Variants in SUGCT observed in about 807,000 individuals in gnomAD.
SUGCT encodes succinyl-CoA:glutarate-CoA transferase.
A neutral mutation model predicts 55.0 loss-of-function variants in SUGCT; 41 were observed. That is an observed-to-expected ratio of 0.74 (90% CI 0.58 to 0.97). The LOEUF is 0.97. Ranked by LOEUF, SUGCT falls within the 50% of genes least tolerant of loss-of-function variation. SUGCT has a pLI of 0.00. For synonymous variants in SUGCT, 187 were observed against 200.4 expected, an observed-to-expected ratio of 0.93 and a Z score of 0.56; for missense variants, 568 against 547.8, an observed-to-expected ratio of 1.04 and a Z score of -0.37.
chr7:40,367,866 GC>G (rs1333580798), intron 9 of SUGCT, among the ~76,000 whole-genome samples: 1 of 152,062 alleles, frequency 6.6e-6, no homozygotes, highest in Non-Finnish European at 1.5e-5. Context: ...CCTTAACCTG[GC>G]CTTCCTGGCC....
At chr7:40,907,096 A>AGT in the SUGCT span, among the ~76,000 whole-genome samples, 1,322 of 101,590 alleles carry the variant, frequency 0.013, 11 homozygotes, top group South Asian at 0.035. Flanking sequence ...TTGTTCTGAT[A>AGT]GTGTGTGTGT....
chr7:40,613,992 G>A (rs528028587), intron 12 of SUGCT, among the ~76,000 whole-genome samples: 13 of 152,214 alleles, frequency 8.5e-5, no homozygotes, highest in East Asian at 7.7e-4. Context: ...GTCATGTTTC[G>A]AATGTCATAT....
rs534751603 is a variant in SUGCT at position 40,393,379 on chromosome 7, T to G, written c.817-55908T>G. Among the ~76,000 whole-genome samples the G allele has an allele frequency of 2.6e-5, 4 of 152,278 alleles. No homozygotes were observed. In the East Asian group the frequency reaches 7.7e-4, roughly 29 times the overall value. ...GAAAAATGTCCACTAAATTAGGGAA[T>G]GGAGACAACTGGTGACTTTTGCAAG... is the stretch of plus-strand genomic sequence containing the variant. On this transcript the variant is annotated intron_variant, in intron 9 of 13. Transcript: ENST00000335693.
intron 12 of SUGCT, among the ~76,000 whole-genome samples, chr7:40,555,948 G>A (rs899945573): frequency 6.6e-6 from 1 of 152,006 alleles, no homozygotes; most frequent in Middle Eastern, 3.4e-3. Context: ...TAACTTCTTA[G>A]CAATGTGTTT....
chr7:40,627,463 G>A (rs919605509), intron 12 of SUGCT, among the ~76,000 whole-genome samples: 5 of 152,082 alleles, frequency 3.3e-5, no homozygotes, highest in South Asian at 2.1e-4. Context: ...ACATTCCTAC[G>A]CAAACATCTG....
intron 7 of SUGCT, among the ~76,000 whole-genome samples, chr7:40,258,413 C>T (rs1049767277): frequency 3.9e-5 from 6 of 152,166 alleles, no homozygotes; most frequent in African/African-American, 1.2e-4. Flanking sequence ...GAGTCTTACT[C>T]TGTTGCCCAG....
intron 12 of SUGCT, among the ~76,000 whole-genome samples, chr7:40,517,326 T>G (rs1033109507): frequency 6.6e-6 from 1 of 151,980 alleles, no homozygotes; most frequent in African/African-American, 2.4e-5. Flanking sequence ...TGTCTTTTTC[T>G]TTTCTTTTCT....
chr7:40,246,561 T>G (rs1256208382), intron 7 of SUGCT, among the ~76,000 whole-genome samples: 1 of 151,218 alleles, frequency 6.6e-6, no homozygotes, highest in African/African-American at 2.4e-5. Flanking sequence ...TAGTGTGTTC[T>G]GATTTATGCC....
In SUGCT at chr7:40,272,571, CA is replaced by C. The variant is rs1392259667; in HGVS notation, c.577-1941del. ...GTGCTGCAGTAACCATGGGAGTGCACATATCTCTTCGTGATTGATTTTCTTC... is the reference window on the plus strand; with the variant it reads ...GTGCTGCAGTAACCATGGGAGTGCACTATCTCTTCGTGATTGATTTTCTTC... On this transcript the variant is annotated intron_variant, in intron 7 of 13. Transcript: ENST00000335693. Among the ~76,000 whole-genome samples the C allele has an allele frequency of 2.0e-5, 3 of 151,626 alleles. No individual in the cohort carries two copies. In the East Asian group the frequency reaches 5.8e-4, roughly 29 times the overall value.
chr7:40,843,803 C>T (rs931198983), intron 13 of SUGCT, among the ~76,000 whole-genome samples: 5 of 152,040 alleles, frequency 3.3e-5, no homozygotes, highest in African/African-American at 1.2e-4. Context: ...GGGAAAGCCT[C>T]ACAGTGTTTT....
In SUGCT at chr7:40,319,385, G is replaced by A. The variant is rs147913623; in HGVS notation, c.816+2530G>A. ...TTTTCAATTTTAAAAATAGATTGGG[G>A]GAATATTTTTGTGGGTGAATGCCAG... On this transcript the variant is annotated intron_variant, in intron 9 of 13. Coordinates refer to ENST00000335693, the MANE Select transcript of SUGCT (RefSeq NM_001193313.2). Among the ~76,000 whole-genome samples the A allele has an allele frequency of 6.4e-4, 97 of 152,172 alleles. 4 individuals are homozygous for A. In the East Asian group the frequency reaches 0.018, roughly 29 times the overall value.
At chr7:40,840,372 T>C (rs1793213116) in intron 13 of SUGCT, among the ~76,000 whole-genome samples, 1 of 151,802 alleles carries the variant, frequency 6.6e-6, no homozygotes, top group African/African-American at 2.4e-5. Context: ...TAGAATATGT[T>C]CTCAGACAAG....
At chr7:40,353,213 T>G (rs149075329) in intron 9 of SUGCT, among the ~76,000 whole-genome samples, 1 of 152,296 alleles carries the variant, frequency 6.6e-6, no homozygotes, top group African/African-American at 2.4e-5. Context: ...TGCTAAGGTT[T>G]GAGAACTATT....
chr7:40,814,642 G>A (rs1791584209), intron 13 of SUGCT, among the ~76,000 whole-genome samples: 1 of 151,660 alleles, frequency 6.6e-6, no homozygotes, highest in Admixed American at 6.6e-5. Context: ...ACCTTGTCTT[G>A]GAGGTTGAGC....
At chr7:40,218,019 T>C (rs891876032) in intron 6 of SUGCT, among the ~76,000 whole-genome samples, 1 of 152,028 alleles carries the variant, frequency 6.6e-6, no homozygotes, top group Admixed American at 6.6e-5. Flanking sequence ...TTTGAGATCA[T>C]CCTGGCTAAC....
chr7:40,806,196 T>A (rs1197285056), intron 13 of SUGCT, among the ~76,000 whole-genome samples: 1 of 152,178 alleles, frequency 6.6e-6, no homozygotes, highest in East Asian at 1.9e-4. Context: ...ATGTCTAAAC[T>A]CTGTAACGTT....
intron 6 of SUGCT, among the ~76,000 whole-genome samples, chr7:40,196,851 T>G (rs1382103633): frequency 6.6e-6 from 1 of 152,190 alleles, no homozygotes; most frequent in African/African-American, 2.4e-5. Flanking sequence ...GTTTCTTTTT[T>G]GGAGGCAGTG....
intron 12 of SUGCT, among the ~76,000 whole-genome samples, chr7:40,633,999 G>A (rs1440076550): frequency 6.6e-6 from 1 of 151,952 alleles, no homozygotes; most frequent in East Asian, 1.9e-4. Context: ...TATAGGGATC[G>A]TCATGCTAAC....
chr7:40,578,781 A>C (rs1212819393), intron 12 of SUGCT, among the ~76,000 whole-genome samples: 1 of 152,162 alleles, frequency 6.6e-6, no homozygotes, highest in African/African-American at 2.4e-5. Context: ...AAGACCTATC[A>C]TTCCTATCCA....
Sources: gnomAD v4.1 joint callset for allele counts (sites outside exome capture counted in the v4.1 genomes callset) on GRCh38, gnomAD v4.1.1 for gene constraint, MANE v1.5 for transcripts, NCBI Gene and HGNC (gene_info 2026-07-23, HGNC 2026-07-21) for gene names.